Variants in ARHGAP9 observed in about 807,000 individuals in gnomAD.
The protein encoded by ARHGAP9 is rho GTPase-activating protein 9.
In ARHGAP9, 76 loss-of-function variants were observed where a neutral mutation model predicts 87.3. The observed-to-expected ratio is 0.87, with a 90% confidence interval of 0.72 to 1.05. ARHGAP9 has a LOEUF of 1.05. ARHGAP9 is among the 50% of genes least tolerant of loss of function. The pLI, the probability that ARHGAP9 is intolerant of heterozygous loss-of-function variation, is 0.00. For missense variants in ARHGAP9, 941 were observed against 960.5 expected (o/e 0.98, Z 0.27); for synonymous variants, 382 against 394.9 (o/e 0.97, Z 0.39).
In ARHGAP9 at chr12:57,477,474, G is replaced by A. The variant is rs149416769; in HGVS notation, c.741C>T (p.Arg247=). 3.0e-5 allele frequency: 48 copies of A among 1,614,104 alleles called. No individual in the cohort carries two copies. The African/African-American group carries it at 5.7e-4, about 19-fold the overall frequency. The change falls in exon 4 of 18, where the codon CGC becomes CGT. Residue 247 remains arginine (R), a synonymous_variant. Coordinates refer to ENST00000393791, the MANE Select transcript of ARHGAP9 (RefSeq NM_032496.4). ...AAGGTCTCACCGTCTCGCTGCGACTGCGGCGCGGGGGCTTCCAGGACTTGC... is the reference window on the plus strand; with the variant it reads ...AAGGTCTCACCGTCTCGCTGCGACTACGGCGCGGGGGCTTCCAGGACTTGC... The part of the protein sequence containing the change: ...TGCKSWKPPR[R]SRSETNPGSM...
Position 57,479,774 on chromosome 12 carries a change from G to A in ARHGAP9, c.-63C>T. ...GATTCAGGAGCAGGAGTTGGTCCTG[G>A]GTAGTGGTGGGAGTCTTGAGGTGGA... On this transcript the variant is annotated 5_prime_UTR_variant, in exon 1 of 18. Coordinates refer to ENST00000393791, the MANE Select transcript of ARHGAP9 (RefSeq NM_032496.4). The A allele has an allele frequency of 6.5e-7, 1 of 1,550,196 alleles. No individual in the cohort carries two copies. The highest frequency in any genetic ancestry group is 8.7e-7 in the Non-Finnish European group (1 of 1,146,776).
At chr12:57,480,415 C>G (rs1207520609), upstream of ARHGAP9, among the ~76,000 whole-genome samples, 1 of 152,074 alleles carries the variant, frequency 6.6e-6, no homozygotes, top group Non-Finnish European at 1.5e-5. Context: ...CTCCTGACCT[C>G]AGGTGATTCA....
At position 57,478,562 on chromosome 12, in the gene ARHGAP9, G is replaced by T; in HGVS notation, c.512C>A (p.Pro171Gln). Reference sequence around the variant, plus strand: ...CACTGTGCTGGCACTGGCTTCTGACGGCAAGTCTTCCTGGGAGAGGGATCT... The same window carrying T: ...CACTGTGCTGGCACTGGCTTCTGACTGCAAGTCTTCCTGGGAGAGGGATCT... Reference protein sequence around the residue: ...SGRSLSQEDLPSEASASTAGP... With the variant: ...SGRSLSQEDLQSEASASTAGP... Residue 171 changes from proline (P) to glutamine (Q), a missense_variant, in exon 3 of 18, where the codon CCG becomes CAG. Transcript: ENST00000393791. 1 of 1,614,026 alleles carries T rather than the reference G, an allele frequency of 6.2e-7. No homozygotes were observed. The highest frequency in any genetic ancestry group is 2.2e-5 in the East Asian group (1 of 44,864).
At chr12:57,485,899 TA>T (rs779819778) in intron 1 of ARHGAP9, among the ~76,000 whole-genome samples, 22 of 152,100 alleles carry the variant, frequency 1.4e-4, no homozygotes, top group Non-Finnish European at 2.8e-4. Flanking sequence ...GGCACCTTGG[TA>T]AGGATGACTG....
chr12:57,483,911 A>G (rs781027515), upstream of ARHGAP9: 16 of 453,946 alleles, frequency 3.5e-5, no homozygotes, highest in Non-Finnish European at 6.6e-5. Flanking sequence ...GTGCTGGCCC[A>G]GCTACTGTAG....
chr12:57,478,482 G>A (rs2139952178), intron 3 of ARHGAP9, 58 bp downstream of exon 3: 4 of 1,551,456 alleles, frequency 2.6e-6, no homozygotes, highest in Non-Finnish European at 3.6e-6. Flanking sequence ...CCTGAAGACA[G>A]AGGTGCTGTC....
At chr12:57,474,754 G>T (rs1302327682) in intron 13 of ARHGAP9, 51 bp from the exon 14 acceptor site, 1 of 1,609,690 alleles carries the variant, frequency 6.2e-7, no homozygotes, top group East Asian at 2.2e-5. Flanking sequence ...AAGTGTGTGT[G>T]GTGAGGGATA....
In ARHGAP9 at chr12:57,479,246, A is replaced by G; in HGVS notation, c.161T>C (p.Leu54Pro). ...CCACCAGTCGGAGTTGGTCTTTCGA[A>G]GCAGTAGGAACCTATCCCCTTCAGC... The part of the protein sequence containing the change: ...SLAEGDRFLL[L>P]RKTNSDWWLA... The change falls in exon 2 of 18, where the codon CTT (leucine) becomes CCT (proline). Residue 54 changes from leucine to proline, a missense_variant. Leu to Pro is a moderately conservative substitution (Grantham distance 98). Coordinates refer to ENST00000393791, the MANE Select transcript of ARHGAP9 (RefSeq NM_032496.4). 1 of 1,614,218 alleles carries G rather than the reference A, an allele frequency of 6.2e-7. No homozygotes were observed. The highest frequency in any genetic ancestry group is 8.5e-7 in the Non-Finnish European group (1 of 1,180,036).
At chr12:57,477,015 C>T (rs772370989) in intron 5 of ARHGAP9, 52 bp from the exon 6 acceptor site, 4 of 1,577,850 alleles carry the variant, frequency 2.5e-6, no homozygotes, top group Non-Finnish European at 3.5e-6. Flanking sequence ...CTCAGGGATC[C>T]CTGGCTGAAG....
Position 57,474,874 on chromosome 12 carries a change from C to G in ARHGAP9, c.1651+1G>C, listed in dbSNP as rs1565612436. The G allele has an allele frequency of 1.2e-6, 2 of 1,614,168 alleles. No individual in the cohort carries two copies. The highest frequency in any genetic ancestry group is 1.7e-6 in the Non-Finnish European group (2 of 1,180,030). On this transcript the variant is annotated splice_donor_variant, in intron 13 of 17. Transcript: ENST00000393791. LOFTEE classifies it high-confidence loss of function. ...GATTCTGGGGTCTCTGAGAAAATGA[C>G]CTCTTTTATCCACAGCAGCAATGCA...
exon 1 of ARHGAP9, chr12:57,488,742 T>C: frequency 7.7e-7 from 1 of 1,306,076 alleles, no homozygotes; most frequent in South Asian, 1.3e-5. Flanking sequence ...TTACTTTCAG[T>C]CGTTAAGTTC....
At chr12:57,480,108 G>A, upstream of ARHGAP9, 1 of 985,278 alleles carries the variant, frequency 1.0e-6, no homozygotes. Flanking sequence ...GATTTTGGGA[G>A]CTGAGAAGCC....
chr12:57,476,725 C>G, intron 6 of ARHGAP9, 74 bp from the exon 7 acceptor site: 1 of 1,597,728 alleles, frequency 6.3e-7, no homozygotes, highest in East Asian at 2.2e-5. Context: ...CCTAGGGGGT[C>G]TCCCAGGAGT....
chr12:57,488,640 G>A (rs546739882), exon 1 of ARHGAP9: 51 of 1,550,906 alleles, frequency 3.3e-5, no homozygotes, highest in South Asian at 1.4e-4. Flanking sequence ...GATTGTTTGG[G>A]TGACTCTTAG....
Position 57,472,624 on chromosome 12 carries a change from T to C in ARHGAP9, c.2089A>G (p.Thr697Ala). 1 of 1,614,150 alleles carries C rather than the reference T, an allele frequency of 6.2e-7. No homozygotes were observed. The highest frequency in any genetic ancestry group is 8.5e-7 in the Non-Finnish European group (1 of 1,180,030). Residue 697 changes from threonine (T) to alanine (A), a missense_variant, in exon 18 of 18, where the codon ACC becomes GCC. Coordinates refer to ENST00000393791, the MANE Select transcript of ARHGAP9 (RefSeq NM_032496.4). Reference protein sequence around the residue: ...PHNLGIVFGPTLFRPEQETSD... With the variant: ...PHNLGIVFGPALFRPEQETSD... ...GTCTCCTGCTCTGGCCGAAACAGGG[T>C]TGGTCCAAACACAATTCCCAGGTTG...
chr12:57,481,089 C>G (rs913352096), upstream of ARHGAP9, among the ~76,000 whole-genome samples: 6 of 152,084 alleles, frequency 3.9e-5, no homozygotes, highest in African/African-American at 1.4e-4. Context: ...TGAATCCACC[C>G]TTTTTTTGCC....
At chr12:57,476,483 T>C in intron 7 of ARHGAP9, 29 bp from the exon 8 acceptor site, 1 of 1,613,572 alleles carries the variant, frequency 6.2e-7, no homozygotes, top group Non-Finnish European at 8.5e-7. Context: ...GAGGTAGTGG[T>C]AGCGAACAGG....
chr12:57,475,964 C>G (rs1175413174), intron 9 of ARHGAP9, 33 bp from the exon 10 acceptor site: 1 of 1,597,074 alleles, frequency 6.3e-7, no homozygotes, highest in African/African-American at 1.3e-5. Context: ...CTCGGGTCAA[C>G]GGGAAGGAGT....
chr12:57,482,077 G>A (rs1161758225), upstream of ARHGAP9, among the ~76,000 whole-genome samples: 4 of 152,010 alleles, frequency 2.6e-5, no homozygotes, highest in African/African-American at 9.7e-5. Flanking sequence ...TCACAAACCT[G>A]TTTCTCTCCC....
Sources: gnomAD v4.1 joint callset for allele counts (sites outside exome capture counted in the v4.1 genomes callset) on GRCh38, gnomAD v4.1.1 for gene constraint, MANE v1.5 for transcripts, NCBI Gene and HGNC (gene_info 2026-07-23, HGNC 2026-07-21) for gene names.